ABLIM1: variants seen among roughly 807,000 people sequenced by gnomAD.
The protein encoded by ABLIM1 is actin binding LIM protein 1, also known as actin-binding LIM protein 1.
A neutral mutation model predicts 107.0 loss-of-function variants in ABLIM1; 40 were observed. That is an observed-to-expected ratio of 0.37 (90% CI 0.29 to 0.49). The LOEUF (loss-of-function observed/expected upper bound fraction) is 0.49. Among genes scored for constraint, ABLIM1 ranks in the 20% least tolerant of loss-of-function variants. The probability of loss-of-function intolerance (pLI) is 0.97; values close to 1 mark genes in which losing one functional copy is unlikely to be tolerated. For missense variants in ABLIM1, 857 were observed against 1,008.5 expected, an observed-to-expected ratio of 0.85 and a Z score of 2.04; for synonymous variants, 357 against 357.3, an observed-to-expected ratio of 1.00 and a Z score of 0.01.
At chr10:114,685,151 C>T (rs1017273606), upstream of ABLIM1, 2 of 152,142 alleles carry the variant, frequency 1.3e-5, no homozygotes, top group African/African-American at 4.8e-5. Flanking sequence ...CCACCACCCA[C>T]AATCCAACTT....
intron 1 of ABLIM1, among the ~76,000 whole-genome samples, chr10:114,668,962 A>G (rs2080139343): frequency 6.6e-6 from 1 of 152,210 alleles, no homozygotes; most frequent in Admixed American, 6.5e-5. Flanking sequence ...GAATCACTGA[A>G]CTGTGAACTT....
At chr10:114,592,546 C>T (rs923139118) in intron 2 of ABLIM1, among the ~76,000 whole-genome samples, 1 of 152,094 alleles carries the variant, frequency 6.6e-6, no homozygotes, top group Non-Finnish European at 1.5e-5. Context: ...TAAGGATCAT[C>T]TTAGCTGTTG....
intron 8 of ABLIM1, among the ~76,000 whole-genome samples, chr10:114,476,679 T>TAATAATAATAATAAA (rs1243014160): frequency 7.2e-6 from 1 of 138,810 alleles, no homozygotes; most frequent in Non-Finnish European, 1.6e-5. Flanking sequence ...ATAATAATAA[T>TAATAATAATAATAAA]AAAGTGCAAT....
chr10:114,618,275 T>A (rs2077254596), intron 1 of ABLIM1, among the ~76,000 whole-genome samples: 1 of 152,202 alleles, frequency 6.6e-6, no homozygotes, highest in South Asian at 2.1e-4. Flanking sequence ...TACAATGGTT[T>A]TTGTTCTCTT....
At chr10:114,770,756 G>A (rs774074591), upstream of ABLIM1, among the ~76,000 whole-genome samples, 1 of 152,196 alleles carries the variant, frequency 6.6e-6, no homozygotes, top group Non-Finnish European at 1.5e-5. Flanking sequence ...TGTTCTGGAA[G>A]TATACAGAAC....
chr10:114,783,323 A>G, the ABLIM1 span, among the ~76,000 whole-genome samples: 2 of 150,020 alleles, frequency 1.3e-5, no homozygotes, highest in African/African-American at 5.1e-5. Context: ...AAAATAAAAG[A>G]GAGAGAAAAA....
intron 1 of ABLIM1, among the ~76,000 whole-genome samples, chr10:114,678,270 T>A (rs977601019): frequency 2.9e-4 from 44 of 152,358 alleles, no homozygotes. Context: ...GAAAGAATGA[T>A]GAGTTTTCAT....
At chr10:114,654,407 GC>G (rs1489160790) in intron 1 of ABLIM1, among the ~76,000 whole-genome samples, 6 of 152,256 alleles carry the variant, frequency 3.9e-5, no homozygotes, top group Admixed American at 6.5e-5. Context: ...TTTAGTGGAT[GC>G]TTTTGTGTGC....
intron 1 of ABLIM1, among the ~76,000 whole-genome samples, chr10:114,603,556 G>C (rs909626284): frequency 6.6e-6 from 1 of 151,760 alleles, no homozygotes; most frequent in African/African-American, 2.4e-5. Flanking sequence ...ATTAAGGAGG[G>C]ACATGCTCTC....
chr10:114,610,331 G>T (rs575848028), intron 1 of ABLIM1, among the ~76,000 whole-genome samples: 1 of 152,180 alleles, frequency 6.6e-6, no homozygotes, highest in Non-Finnish European at 1.5e-5. Flanking sequence ...GGTTGAGACT[G>T]GTCTGGATTT....
intron 1 of ABLIM1, among the ~76,000 whole-genome samples, chr10:114,673,574 C>T (rs1163733226): frequency 2.6e-5 from 4 of 152,318 alleles, no homozygotes; most frequent in African/African-American, 9.6e-5. Context: ...GCTCCCAACC[C>T]CACCACACAC....
At chr10:114,498,265 T>G (rs2059955153) in intron 6 of ABLIM1, among the ~76,000 whole-genome samples, 1 of 152,162 alleles carries the variant, frequency 6.6e-6, no homozygotes, top group South Asian at 2.1e-4. Flanking sequence ...TGTTTCGGTG[T>G]GAAATCCCAT....
At chr10:114,521,402 G>C (rs896397819) in intron 6 of ABLIM1, among the ~76,000 whole-genome samples, 1 of 152,158 alleles carries the variant, frequency 6.6e-6, no homozygotes, top group African/African-American at 2.4e-5. Context: ...AAGTGCTAAG[G>C]CAATAAGAAC....
chr10:114,456,565 G>A (rs541416452), intron 12 of ABLIM1, among the ~76,000 whole-genome samples: 1 of 152,212 alleles, frequency 6.6e-6, no homozygotes, highest in African/African-American at 2.4e-5. Context: ...ATGTTTCCAG[G>A]AAAGTTCTCG....
intron 4 of ABLIM1, 29 bp downstream of exon 4, chr10:114,571,268 T>C (rs755363487): frequency 9.4e-6 from 15 of 1,604,254 alleles, no homozygotes; most frequent in Non-Finnish European, 1.3e-5. Context: ...ACATAGGTAT[T>C]CACGTCAGTG....
intron 1 of ABLIM1, among the ~76,000 whole-genome samples, chr10:114,643,386 C>A (rs1358950335): frequency 6.6e-6 from 1 of 152,112 alleles, no homozygotes; most frequent in Non-Finnish European, 1.5e-5. Flanking sequence ...ACAGAAGCAA[C>A]CTCAGATCAC....
intron 3 of ABLIM1, among the ~76,000 whole-genome samples, chr10:114,571,887 CTT>C (rs1054271255): frequency 1.3e-5 from 2 of 152,204 alleles, no homozygotes; most frequent in African/African-American, 4.8e-5. Flanking sequence ...CAGGATTAGA[CTT>C]TGTGCTGGAC....
chr10:114,781,235 G>C, the ABLIM1 span, among the ~76,000 whole-genome samples: 1 of 152,100 alleles, frequency 6.6e-6, no homozygotes, highest in Non-Finnish European at 1.5e-5. Flanking sequence ...CGGGTGCAGT[G>C]GCTTAAGTCT....
At chr10:114,511,611 C>G (rs575596893) in intron 6 of ABLIM1, among the ~76,000 whole-genome samples, 3 of 152,136 alleles carry the variant, frequency 2.0e-5, no homozygotes, top group South Asian at 2.1e-4. Context: ...GTGATCCACC[C>G]GCCTCAGCCT....
Sources: allele counts gnomAD v4.1 joint callset (sites outside exome capture counted in the v4.1 genomes callset), GRCh38; gene constraint gnomAD v4.1.1; transcripts MANE v1.5; gene names NCBI Gene and HGNC (gene_info 2026-07-23, HGNC 2026-07-21).